SLC7A2: variants seen among roughly 807,000 people sequenced by gnomAD.
The protein encoded by SLC7A2 is cationic amino acid transporter 2.
SLC7A2 carries 48 observed loss-of-function variants against 58.9 expected under a neutral mutation model. That is an observed-to-expected ratio of 0.82 (90% CI 0.65 to 1.04). SLC7A2 has a LOEUF of 1.04. SLC7A2 is among the 50% of genes least tolerant of loss of function. SLC7A2 has a pLI of 0.00. For synonymous variants in SLC7A2, 363 were observed against 314.5 expected (o/e 1.15, Z -1.63); for missense variants, 1,029 against 818.8 (o/e 1.26, Z -3.13).
chr8:17,512,047 A>G (rs1052276677), intron 2 of SLC7A2, among the ~76,000 whole-genome samples: 6 of 152,194 alleles, frequency 3.9e-5, no homozygotes, highest in Non-Finnish European at 1.5e-5. Context: ...TTCAGTGGCT[A>G]TGGAATGCTT....
intron 2 of SLC7A2, among the ~76,000 whole-genome samples, chr8:17,527,377 T>G (rs948135495): frequency 7.2e-5 from 11 of 152,204 alleles, no homozygotes; most frequent in Non-Finnish European, 1.3e-4. Flanking sequence ...TTTCAGTCAC[T>G]GGGAAAACAC....
chr8:17,549,775 C>T (rs1191707870), intron 5 of SLC7A2, among the ~76,000 whole-genome samples: 1 of 152,066 alleles, frequency 6.6e-6, no homozygotes, highest in Admixed American at 6.6e-5. Context: ...AATTGGTATC[C>T]TATAAACTTA....
intron 2 of SLC7A2, among the ~76,000 whole-genome samples, chr8:17,537,714 C>G (rs895216790): frequency 1.1e-4 from 17 of 152,158 alleles, no homozygotes; most frequent in Admixed American, 3.3e-4. Flanking sequence ...CAGGTTGTAC[C>G]CACTGGCAGT....
At chr8:17,535,436 C>T (rs1480864830) in intron 2 of SLC7A2, among the ~76,000 whole-genome samples, 2 of 152,182 alleles carry the variant, frequency 1.3e-5, no homozygotes, top group Non-Finnish European at 1.5e-5. Flanking sequence ...CCTGCTTCCC[C>T]TATGCACAAG....
rs1172003811 is a variant in SLC7A2, at chr8:17,516,724, C to G, written c.-23+14422C>G. Reference sequence around the variant, plus strand: ...AAGTGATGACATGGTCTCCCAGACCCCTCACCCCATCCAGTTGACTCTTCA... The same window carrying G: ...AAGTGATGACATGGTCTCCCAGACCGCTCACCCCATCCAGTTGACTCTTCA... On this transcript the variant is annotated intron_variant, in intron 2 of 12. Transcript: ENST00000494857. 2.6e-5 allele frequency among the ~76,000 whole-genome samples: 4 copies of G among 152,172 alleles called. No individual in the cohort carries two copies. In the East Asian group the frequency reaches 7.7e-4, roughly 29 times the overall value.
chr8:17,561,662 C>T (rs1802992337), intron 10 of SLC7A2, among the ~76,000 whole-genome samples: 1 of 152,166 alleles, frequency 6.6e-6, no homozygotes, highest in Non-Finnish European at 1.5e-5. Context: ...AGTGAGGACA[C>T]AGATGGCACG....
chr8:17,561,508 A>G (rs148682760), intron 10 of SLC7A2, among the ~76,000 whole-genome samples: 2,782 of 152,276 alleles, frequency 0.018, 98 homozygotes, highest in African/African-American at 0.062. Flanking sequence ...GGGAGCCACA[A>G]TTCAAAATGA....
chr8:17,543,818 G>T, intron 3 of SLC7A2, 103 bp downstream of exon 3: 1 of 1,001,894 alleles, frequency 1.0e-6, no homozygotes, highest in Non-Finnish European at 1.4e-6. Context: ...ATCACTTGAT[G>T]TCTGTGTGTC....
At chr8:17,545,490 C>G (rs2517253) in intron 4 of SLC7A2, among the ~76,000 whole-genome samples, 67,079 of 148,332 alleles carry the variant, frequency 0.45, 17,760 homozygotes, top group Non-Finnish European at 0.59. Context: ...CTCCGTCTCC[C>G]GGGTGCAAGC....
intron 8 of SLC7A2, among the ~76,000 whole-genome samples, chr8:17,557,634 C>G (rs1303458033): frequency 6.6e-6 from 1 of 152,184 alleles, no homozygotes; most frequent in African/African-American, 2.4e-5. Context: ...TCGAGACCAG[C>G]CTGACCAACA....
intron 2 of SLC7A2, among the ~76,000 whole-genome samples, chr8:17,504,745 C>G (rs75607985): frequency 6.6e-6 from 1 of 152,156 alleles, no homozygotes; most frequent in South Asian, 2.1e-4. Context: ...ACTGTTTGAG[C>G]AGTCTCTGAA....
chr8:17,519,322 G>C (rs756714831), intron 2 of SLC7A2, among the ~76,000 whole-genome samples: 6 of 152,172 alleles, frequency 3.9e-5, no homozygotes, highest in Non-Finnish European at 7.3e-5. Context: ...GCTCTCAGTA[G>C]TAGCAGCAGA....
At chr8:17,539,434 C>A (rs1344694859) in intron 2 of SLC7A2, among the ~76,000 whole-genome samples, 1 of 152,138 alleles carries the variant, frequency 6.6e-6, no homozygotes, top group Non-Finnish European at 1.5e-5. Context: ...TCCAGCCCTC[C>A]CTTCGCTAAT....
chr8:17,545,583 A>G (rs1191890717), intron 4 of SLC7A2, among the ~76,000 whole-genome samples: 1 of 151,420 alleles, frequency 6.6e-6, no homozygotes, highest in Non-Finnish European at 1.5e-5. Flanking sequence ...TTTTTAGTAG[A>G]GACGGGGTTT....
At position 17,564,972 on chromosome 8, in the gene SLC7A2, T is replaced by C. The variant is rs55755124; in HGVS notation, c.1803T>C (p.Tyr601=). ...CAGGCTTCCTGATTTACTTTTCTTA[T>C]GGCATTAGACACAGCCTGGAGGGTC... ...MAIGFLIYFS[Y]GIRHSLEGHL... Residue 601 remains tyrosine, a synonymous_variant, in exon 13 of 13, where the codon TAT becomes TAC. Coordinates refer to ENST00000494857, the MANE Select transcript of SLC7A2 (RefSeq NM_001370338.1). The C allele has an allele frequency of 0.024, 38,631 of 1,585,374 alleles. 575 individuals carry two copies. The highest frequency in any genetic ancestry group is 0.053 in the East Asian group (2,381 of 44,602).
intron 2 of SLC7A2, among the ~76,000 whole-genome samples, chr8:17,534,155 T>G (rs142983670): frequency 6.6e-6 from 1 of 152,152 alleles, no homozygotes; most frequent in Non-Finnish European, 1.5e-5. Context: ...TTCTTTATCC[T>G]GTCTATTATT....
chr8:17,556,374 T>C (rs1453530297), intron 8 of SLC7A2, among the ~76,000 whole-genome samples: 1 of 152,214 alleles, frequency 6.6e-6, no homozygotes. Flanking sequence ...TTTGGTGGCA[T>C]GTTAAGATAT....
At chr8:17,563,842 C>T (rs1236957014) in intron 12 of SLC7A2, 131 bp downstream of exon 12, 34 of 629,118 alleles carry the variant, frequency 5.4e-5, no homozygotes, top group African/African-American at 1.3e-4. Flanking sequence ...TAGGGATGTC[C>T]GAGTGCTTTT....
chr8:17,506,076 A>G (rs951934584), intron 2 of SLC7A2, among the ~76,000 whole-genome samples: 2 of 152,232 alleles, frequency 1.3e-5, no homozygotes, highest in African/African-American at 4.8e-5. Context: ...TGCAAAAGAA[A>G]GCCCTCTTTT....
Sources: gnomAD v4.1 joint callset for allele counts (sites outside exome capture counted in the v4.1 genomes callset) on GRCh38, gnomAD v4.1.1 for gene constraint, MANE v1.5 for transcripts, NCBI Gene and HGNC (gene_info 2026-07-23, HGNC 2026-07-21) for gene names.